Variants in AKAP8 observed in about 807,000 individuals in gnomAD.
AKAP8 encodes the protein A-kinase anchoring protein 8.
In AKAP8, 24 loss-of-function variants were observed where a neutral mutation model predicts 67.5. The observed-to-expected ratio is 0.36, with a 90% CI of 0.26 to 0.50. The LOEUF (loss-of-function observed/expected upper bound fraction) is 0.50, where lower values mean the gene tolerates loss of function less well. AKAP8 is among the 20% of genes least tolerant of loss of function. The probability of loss-of-function intolerance (pLI) is 0.97; values close to 1 mark genes in which losing one functional copy is unlikely to be tolerated. For missense variants in AKAP8, 971 were observed against 955.9 expected (o/e 1.02, Z -0.21); for synonymous variants, 400 against 371.1 (o/e 1.08, Z -0.90).
chr19:15,361,060 T>C, intron 11 of AKAP8, 82 bp from the exon 12 acceptor site: 1 of 1,518,640 alleles, frequency 6.6e-7, no homozygotes. Flanking sequence ...CCACGTTTTC[T>C]CCCTGCAACT....
Position 15,364,810 on chromosome 19 carries a change from G to C in AKAP8, c.1161-2559C>G, listed in dbSNP as rs1346735230. Among the ~76,000 whole-genome samples, 3 of 152,058 alleles carry C rather than the reference G, an allele frequency of 2.0e-5. No individual in the cohort carries two copies. The East Asian group carries it at 5.8e-4, about 29-fold the overall frequency. ...CAGACTTTTCTTTTTCTCGAGATGA[G>C]ATTTCACTGTATTGCTCAGGCTGTT... On this transcript the variant is annotated intron_variant, in intron 9 of 13. Coordinates refer to ENST00000269701, the MANE Select transcript of AKAP8 (RefSeq NM_005858.4).
rs527710339 is a variant in AKAP8, at chr19:15,367,867, A to C, written c.1160+368T>G. 6.6e-5 allele frequency among the ~76,000 whole-genome samples: 10 copies of C among 152,370 alleles called. No individual in the cohort carries two copies. The East Asian group carries it at 1.9e-3, about 29-fold the overall frequency. ...AGGCTAGGGGGCAGGGATGCCCCTC[A>C]GGCCTGCAGGAGAGTAACAGAGCCC... On this transcript the variant is annotated intron_variant, in intron 9 of 13. Coordinates refer to ENST00000269701, the MANE Select transcript of AKAP8 (RefSeq NM_005858.4).
chr19:15,376,262 C>A (rs1967251148), intron 2 of AKAP8, among the ~76,000 whole-genome samples: 3 of 152,140 alleles, frequency 2.0e-5, no homozygotes, highest in African/African-American at 7.2e-5. Flanking sequence ...GTGGCTCACG[C>A]CTGTAATCCC....
chr19:15,364,638 C>T (rs753511387), intron 9 of AKAP8, among the ~76,000 whole-genome samples: 26 of 151,924 alleles, frequency 1.7e-4, no homozygotes, highest in Admixed American at 1.6e-3. Context: ...CGTGAGCCAC[C>T]GCGCCCAGCC....
chr19:15,364,502 C>G (rs898214751), intron 9 of AKAP8, among the ~76,000 whole-genome samples: 1 of 152,196 alleles, frequency 6.6e-6, no homozygotes, highest in South Asian at 2.1e-4. Flanking sequence ...AGGCGCCCAC[C>G]ACCACTCCCA....
chr19:15,359,439 G>A (rs1966929076), intron 12 of AKAP8, among the ~76,000 whole-genome samples: 1 of 152,236 alleles, frequency 6.6e-6, no homozygotes, highest in Non-Finnish European at 1.5e-5. Flanking sequence ...GTATGAATAT[G>A]CTGGGTGTGG....
rs749344859 is a variant in AKAP8, at chr19:15,370,161, A to T, written c.1057T>A (p.Ser353Thr). Residue 353 changes from serine to threonine, a missense_variant, in exon 8 of 14, where the codon TCT (serine) becomes ACT (threonine). By Grantham distance (58) the Ser-to-Thr change is moderately conservative. Coordinates refer to ENST00000269701, the MANE Select transcript of AKAP8 (RefSeq NM_005858.4). ...TGATGCCTACCTCTTTGCCTCCCAG[A>T]GTCGCAGAGTTCATCCTCCTGGAAA... ...EFKGEDELCD[S>T]GRQRGEKEDE... is the part of the protein sequence containing the mutation. 83 of 1,614,038 alleles carry T rather than the reference A, an allele frequency of 5.1e-5. 1 individual carries two copies. The Admixed American group carries it at 8.2e-4, about 16-fold the overall frequency.
At position 15,372,259 on chromosome 19, in the gene AKAP8, T is replaced by C. The variant is rs1341559858; in HGVS notation, c.950A>G (p.Lys317Arg). ...QFQLYEEPDT[K>R]LARVDSEGDF... ...TCCTTCACTGTCAACCCGGGCCAGT[T>C]TGGTGTCTGGCTCCTCGTAAAGTTG... Residue 317 changes from lysine (K) to arginine (R), a missense_variant, in exon 6 of 14, where the codon AAA becomes AGA. By Grantham distance (26) the Lys-to-Arg change is conservative. Transcript: ENST00000269701. 6.2e-7 allele frequency: 1 copy of C among 1,614,162 alleles called. No individual in the cohort carries two copies. The highest frequency in any genetic ancestry group is 8.5e-7 in the Non-Finnish European group (1 of 1,180,026).
At chr19:15,374,162 G>C in intron 3 of AKAP8, 97 bp from the exon 4 acceptor site, 1 of 1,394,280 alleles carries the variant, frequency 7.2e-7, no homozygotes, top group Non-Finnish European at 9.6e-7. Context: ...CACGGAGAAG[G>C]AAAACGGGTG....
chr19:15,369,263 T>G lies in AKAP8; in HGVS notation c.1072+883A>C. On this transcript the variant is annotated intron_variant, in intron 8 of 13. Coordinates refer to ENST00000269701, the MANE Select transcript of AKAP8 (RefSeq NM_005858.4). This position sits in a 1 kb window ranked among gnomAD's most constrained non-coding sequence, Gnocchi z 4.6. ...ACATGTCACCTTTGCTTTAGCATTG[T>G]GCCGCTAAGCGCTCGGGGCGCCCCG... 7.1e-6 allele frequency: 7 copies of G among 985,488 alleles called. No individual in the cohort carries two copies. The highest frequency in any genetic ancestry group is 8.4e-6 in the Non-Finnish European group (7 of 829,972). The allele number at this position is 985,488 out of a possible 1,614,324, so 61.0% of individuals were successfully genotyped here. A position where few individuals can be genotyped will look rare whatever the true frequency, so the allele number is the denominator to read the frequency against.
Position 15,373,971 on chromosome 19 carries a change from C to T in AKAP8, c.186G>A (p.Lys62=), listed in dbSNP as rs114906270. The T allele has an allele frequency of 3.2e-4, 519 of 1,613,542 alleles. 3 individuals carry two copies. The African/African-American group carries it at 6.2e-3, about 19-fold the overall frequency. The part of the protein sequence containing the change: ...SYGPASWEAA[K]ANDGGLAAGA... ...CGGCCGCCAGGCCGCCATCATTGGC[C>T]TTGGCGGCCTCCCACGAGGCTGGGC... Residue 62 remains lysine, a synonymous_variant, in exon 4 of 14, where the codon AAG becomes AAA. Transcript: ENST00000269701.
At chr19:15,370,724 T>C (rs761044017) in intron 7 of AKAP8, among the ~76,000 whole-genome samples, 69 of 141,082 alleles carry the variant, frequency 4.9e-4, no homozygotes, top group Middle Eastern at 3.6e-3. Context: ...CTCTGCTTCC[T>C]GGGTTGAAGC....
chr19:15,377,961 T>C (rs775893966), intron 1 of AKAP8, among the ~76,000 whole-genome samples: 1 of 152,214 alleles, frequency 6.6e-6, no homozygotes, highest in Non-Finnish European at 1.5e-5. Flanking sequence ...GGCCCAGCAC[T>C]GAGCTGCGCG....
chr19:15,378,768 C>T (rs995844391), intron 1 of AKAP8, among the ~76,000 whole-genome samples: 1 of 152,216 alleles, frequency 6.6e-6, no homozygotes, highest in Admixed American at 6.5e-5. Flanking sequence ...CAGCATGTCC[C>T]AACTATCCCC....
In AKAP8 at chr19:15,355,243, G is replaced by T. The variant is rs1278366290; in HGVS notation, c.1751C>A (p.Ala584Glu). Residue 584 changes from alanine to glutamate, a missense_variant, in exon 14 of 14, where the codon GCA becomes GAA. By Grantham distance (107) the Ala-to-Glu change is moderately radical (BLOSUM62 -1). Transcript: ENST00000269701. Reference protein sequence around the residue: ...AADVLAEVITAAVRAVDGEGA... With the variant: ...AADVLAEVITEAVRAVDGEGA... The stretch of plus-strand genomic sequence containing the variant: ...TTCCCCATCTACGGCCCTCACTGCT[G>T]CTGTAATCACCTCTGCTAAGACGTC... The T allele has an allele frequency of 1.9e-6, 3 of 1,611,932 alleles. No individual in the cohort carries two copies. The highest frequency in any genetic ancestry group is 2.5e-6 in the Non-Finnish European group (3 of 1,180,034).
rs1967113642 is a variant in AKAP8 at position 15,369,072 on chromosome 19, A to T, written c.1073-750T>A. 1.0e-6 allele frequency: 1 copy of T among 985,424 alleles called. No individual in the cohort carries two copies. The highest frequency in any genetic ancestry group is 6.1e-5 in the Admixed American group (1 of 16,270). The allele number at this position is 985,424 out of a possible 1,614,324, so 61.0% of individuals were successfully genotyped here. ...ATCTGAACTGTAACCCCTACCCCTG[A>T]TGCCAGTCCCGAGACTGTCCCACGA... On this transcript the variant is annotated intron_variant, in intron 8 of 13. Transcript: ENST00000269701. The surrounding 1 kb of genome is among the most constrained non-coding windows in gnomAD (Gnocchi z 4.6).
At chr19:15,359,338 G>T (rs1364922671) in intron 12 of AKAP8, among the ~76,000 whole-genome samples, 1 of 152,232 alleles carries the variant, frequency 6.6e-6, no homozygotes, top group Non-Finnish European at 1.5e-5. Context: ...ATTTACAAAT[G>T]AAAGGCTGTG....
In AKAP8 at chr19:15,373,934, T is replaced by G. The variant is rs1409530929; in HGVS notation, c.223A>C (p.Met75Leu). ...TCTGGGCCGTAAGAGGCCATGTGCATGGCAGGGGCCCCGGCCGCCAGGCCG... is the reference window on the plus strand; with the variant it reads ...TCTGGGCCGTAAGAGGCCATGTGCAGGGCAGGGGCCCCGGCCGCCAGGCCG... ...DGGLAAGAPAMHMASYGPEPC... is the reference protein window; with the variant it reads ...DGGLAAGAPALHMASYGPEPC... The change falls in exon 4 of 14, where the codon ATG (methionine) becomes CTG (leucine). Residue 75 changes from methionine to leucine, a missense_variant. By Grantham distance (15) the Met-to-Leu change is conservative. Coordinates refer to ENST00000269701, the MANE Select transcript of AKAP8 (RefSeq NM_005858.4). The G allele has an allele frequency of 1.2e-6, 2 of 1,613,896 alleles. No individual in the cohort carries two copies. Among genetic ancestry groups the G allele is most frequent in the Non-Finnish European group, 1.7e-6 (2 of 1,179,922 alleles).
At chr19:15,376,108 T>G (rs1178243639) in intron 2 of AKAP8, among the ~76,000 whole-genome samples, 1 of 151,994 alleles carries the variant, frequency 6.6e-6, no homozygotes, top group Non-Finnish European at 1.5e-5. Flanking sequence ...TTTTCATTAG[T>G]TGGATAAAAG....
Sources: allele counts gnomAD v4.1 joint callset (sites outside exome capture counted in the v4.1 genomes callset), GRCh38; gene constraint gnomAD v4.1.1; non-coding constraint Gnocchi (gnomAD v3.1); transcripts MANE v1.5; gene names NCBI Gene and HGNC (gene_info 2026-07-23, HGNC 2026-07-21).